The following ANO2 variants were observed in gnomAD, a reference collection of about 807,000 sequenced individuals.
ANO2 encodes anoctamin 2.
In ANO2, 101 loss-of-function variants were observed where a neutral mutation model predicts 124.2. That is an observed-to-expected ratio of 0.81 (90% CI 0.69 to 0.96). The LOEUF (loss-of-function observed/expected upper bound fraction) is 0.96, where lower values mean the gene tolerates loss of function less well. ANO2 is among the 40% of genes least tolerant of loss of function. The pLI, the probability that ANO2 is intolerant of heterozygous loss-of-function variation, is 0.00. For synonymous variants in ANO2, 486 were observed against 482.5 expected (o/e 1.01, Z -0.09); for missense variants, 1,293 against 1,274.5 (o/e 1.01, Z -0.22).
chr12:5,864,714 C>G (rs984458267), intron 3 of ANO2, among the ~76,000 whole-genome samples: 2 of 152,196 alleles, frequency 1.3e-5, no homozygotes, highest in Non-Finnish European at 2.9e-5. Flanking sequence ...CTGGAACAGT[C>G]TCTGTTTATT....
chr12:5,734,741 A>T (rs755200622), intron 13 of ANO2, among the ~76,000 whole-genome samples: 10 of 150,212 alleles, frequency 6.7e-5, no homozygotes, highest in African/African-American at 9.9e-5. Flanking sequence ...TCTGCCTTCC[A>T]GGCTCAAGCA....
chr12:5,833,571 C>T (rs183582041), intron 4 of ANO2, among the ~76,000 whole-genome samples: 1 of 152,286 alleles, frequency 6.6e-6, no homozygotes. Context: ...CACAAACTGA[C>T]CGGTACTGGT....
At chr12:5,902,355 C>T (rs1458575365) in intron 3 of ANO2, among the ~76,000 whole-genome samples, 1 of 151,728 alleles carries the variant, frequency 6.6e-6, no homozygotes, top group Non-Finnish European at 1.5e-5. Context: ...GTGGCTGAGG[C>T]AGGAGGATGG....
At chr12:5,565,205 G>A (rs1941676672) in intron 24 of ANO2, among the ~76,000 whole-genome samples, 1 of 152,138 alleles carries the variant, frequency 6.6e-6, no homozygotes, top group Non-Finnish European at 1.5e-5. Flanking sequence ...GAGATGAGAT[G>A]GGGCTGTTTG....
intron 14 of ANO2, among the ~76,000 whole-genome samples, chr12:5,676,855 A>T (rs1262078252): frequency 6.6e-6 from 1 of 152,098 alleles, no homozygotes. Context: ...GGATTTCAAG[A>T]CCAGCCTGGC....
At chr12:5,631,098 T>A (rs912634488) in intron 16 of ANO2, among the ~76,000 whole-genome samples, 1 of 152,190 alleles carries the variant, frequency 6.6e-6, no homozygotes, top group Non-Finnish European at 1.5e-5. Context: ...TGACTTTATG[T>A]GATGCAACCA....
At chr12:5,693,902 G>T (rs186734841) in intron 14 of ANO2, among the ~76,000 whole-genome samples, 93 of 152,212 alleles carry the variant, frequency 6.1e-4, no homozygotes, top group Non-Finnish European at 1.0e-3. Context: ...AGCCCTACCA[G>T]CCTCTTCACT....
intron 7 of ANO2, among the ~76,000 whole-genome samples, chr12:5,824,564 G>A (rs1393025265): frequency 2.0e-5 from 3 of 152,138 alleles, no homozygotes; most frequent in Non-Finnish European, 4.4e-5. Flanking sequence ...TCAGCATTTT[G>A]AGCAAAGCCA....
intron 20 of ANO2, among the ~76,000 whole-genome samples, chr12:5,592,245 C>T (rs1385350226): frequency 2.0e-5 from 3 of 152,030 alleles, no homozygotes; most frequent in African/African-American, 7.2e-5. Flanking sequence ...GTTCTAGTAC[C>T]CATGCTGAGT....
At chr12:5,812,543 C>T (rs1953441182) in intron 7 of ANO2, among the ~76,000 whole-genome samples, 1 of 45,840 alleles carries the variant, frequency 2.2e-5, no homozygotes, top group Non-Finnish European at 4.2e-5. Context: ...GGCAGGCAGG[C>T]AAGCGAAGAA....
rs1254989592 is a variant in ANO2, at chr12:5,732,534, C to G, written c.1531G>C (p.Glu511Gln). ...AVQKLETNTT[E>Q]CGDEDDEDKL... is the part of the protein sequence containing the mutation. Reference sequence around the variant, plus strand: ...CAGCTTCATACCTCATCGCCACACTCCGTCGTGTTTGTTTCCAATTTCTGG... The same window carrying G: ...CAGCTTCATACCTCATCGCCACACTGCGTCGTGTTTGTTTCCAATTTCTGG... Residue 511 changes from glutamate to glutamine, a missense_variant, in exon 14 of 25, where the codon GAG becomes CAG. Transcript: ENST00000682330. 3 of 1,613,078 alleles carry G rather than the reference C, an allele frequency of 1.9e-6. No individual in the cohort carries two copies. Among genetic ancestry groups the G allele is most frequent in the Non-Finnish European group, 2.5e-6 (3 of 1,179,518 alleles).
In ANO2 at chr12:5,888,976, G is replaced by A. The variant is rs145578271; in HGVS notation, c.534+32064C>T. 5.8e-3 allele frequency among the ~76,000 whole-genome samples: 885 copies of A among 152,322 alleles called. 6 individuals carry two copies. The highest frequency in any genetic ancestry group is 0.021 in the African/African-American group (857 of 41,576). ...TGCTCGTTGGGGAGGCTGGGGCCAC[G>A]CAGGAGCCCACAGCTGGGGAGGCTC... is the stretch of plus-strand genomic sequence containing the variant. On this transcript the variant is annotated intron_variant, in intron 3 of 24. Coordinates refer to ENST00000682330, the MANE Select transcript of ANO2 (RefSeq NM_001364791.2).
At chr12:5,687,158 T>C (rs1395424001) in intron 14 of ANO2, among the ~76,000 whole-genome samples, 2 of 152,156 alleles carry the variant, frequency 1.3e-5, no homozygotes, top group Non-Finnish European at 2.9e-5. Flanking sequence ...ACCAACTGAG[T>C]TAAGCTAGGT....
At chr12:5,654,867 C>T (rs912064243) in intron 14 of ANO2, among the ~76,000 whole-genome samples, 1 of 152,190 alleles carries the variant, frequency 6.6e-6, no homozygotes, top group Non-Finnish European at 1.5e-5. Context: ...AGCCACATAA[C>T]AGTGCCTCAT....
chr12:5,933,596 A>G (rs1942525348), intron 1 of ANO2, among the ~76,000 whole-genome samples: 1 of 152,144 alleles, frequency 6.6e-6, no homozygotes, highest in Non-Finnish European at 1.5e-5. Context: ...AAAATTCACA[A>G]AATTTTATTT....
intron 23 of ANO2, among the ~76,000 whole-genome samples, chr12:5,567,496 T>A (rs1197870739): frequency 2.0e-5 from 3 of 152,176 alleles, no homozygotes; most frequent in Non-Finnish European, 4.4e-5. Flanking sequence ...CACACTCACA[T>A]GTGTGCACAC....
At chr12:5,795,404 G>A (rs1952816659) in intron 10 of ANO2, among the ~76,000 whole-genome samples, 3 of 152,230 alleles carry the variant, frequency 2.0e-5, no homozygotes, top group Admixed American at 1.3e-4. Flanking sequence ...CATGAAGTGA[G>A]CACCCCAGGA....
At chr12:5,874,944 T>C (rs1292416929) in intron 3 of ANO2, among the ~76,000 whole-genome samples, 1 of 152,112 alleles carries the variant, frequency 6.6e-6, no homozygotes, top group Non-Finnish European at 1.5e-5. Flanking sequence ...AGTGAATAAG[T>C]GTAGGTGAAT....
intron 14 of ANO2, among the ~76,000 whole-genome samples, chr12:5,666,609 T>C (rs955039327): frequency 1.3e-5 from 2 of 152,082 alleles, no homozygotes; most frequent in African/African-American, 4.8e-5. Flanking sequence ...CTTGAAAAAA[T>C]AAAACAGTTT....
Sources: gnomAD v4.1 joint callset for allele counts (sites outside exome capture counted in the v4.1 genomes callset) on GRCh38, gnomAD v4.1.1 for gene constraint, MANE v1.5 for transcripts, NCBI Gene and HGNC (gene_info 2026-07-23, HGNC 2026-07-21) for gene names.